The following RAVER2 variants were observed in gnomAD, a reference collection of about 807,000 sequenced individuals.
The protein encoded by RAVER2 is ribonucleoprotein, PTB binding 2, also known as ribonucleoprotein PTB-binding 2.
In RAVER2, 46 loss-of-function variants were observed where a neutral mutation model predicts 78.1. The ratio of observed to expected loss-of-function variants is 0.59; its 90% CI spans 0.46 to 0.75. The LOEUF (loss-of-function observed/expected upper bound fraction) is 0.75, where lower values mean the gene tolerates loss of function less well. RAVER2 is among the 30% of genes least tolerant of loss of function. The probability of loss-of-function intolerance (pLI) is 0.00; values close to 1 mark genes in which losing one functional copy is unlikely to be tolerated. For synonymous variants in RAVER2, 311 were observed against 313.3 expected (o/e 0.99, Z 0.08); for missense variants, 793 against 837.5 (o/e 0.95, Z 0.66).
intron 1 of RAVER2, among the ~76,000 whole-genome samples, chr1:64,747,341 T>A (rs1449294970): frequency 6.6e-6 from 1 of 152,214 alleles, no homozygotes; most frequent in East Asian, 1.9e-4. Flanking sequence ...TTATTTTGTG[T>A]CTTTTTGCTA....
Position 64,794,809 on chromosome 1 carries a change from T to A in RAVER2, c.1105+5295T>A, listed in dbSNP as rs899883040. Among the ~76,000 whole-genome samples the A allele has an allele frequency of 2.6e-5, 4 of 152,250 alleles. No homozygotes were observed. The Middle Eastern group carries it at 0.014, about 518-fold the overall frequency. On this transcript the variant is annotated intron_variant, in intron 5 of 11. Coordinates refer to ENST00000294428, the Ensembl canonical transcript of RAVER2. ...ACAGTGTCTTTTGAGGAGCAAAATT[T>A]TTTATTTTGACAAAATCCAATTTAT...
At chr1:64,769,647 T>C (rs1291724944) in intron 2 of RAVER2, among the ~76,000 whole-genome samples, 2 of 152,068 alleles carry the variant, frequency 1.3e-5, no homozygotes, top group Non-Finnish European at 2.9e-5. Context: ...TGTGATTTCC[T>C]GCTCACACTT....
chr1:64,783,144 G>C (rs956454869), intron 4 of RAVER2, among the ~76,000 whole-genome samples: 1 of 152,088 alleles, frequency 6.6e-6, no homozygotes, highest in African/African-American at 2.4e-5. Flanking sequence ...TGGACATTTG[G>C]GTTGGTTCCA....
intron 5 of RAVER2, among the ~76,000 whole-genome samples, chr1:64,797,224 AC>A (rs1299380698): frequency 1.3e-5 from 2 of 152,326 alleles, no homozygotes; most frequent in East Asian, 3.9e-4. Context: ...AGTTAGATCA[AC>A]ATGGTTGATA....
At chr1:64,800,903 G>C (rs1653243354) in intron 5 of RAVER2, among the ~76,000 whole-genome samples, 1 of 151,978 alleles carries the variant, frequency 6.6e-6, no homozygotes, top group Admixed American at 6.6e-5. Flanking sequence ...CTTGTCTTCT[G>C]AGGTGGTCCC....
chr1:64,812,681 A>G (rs1398187931), intron 9 of RAVER2, 57 bp from the exon 10 acceptor site: 3 of 1,139,532 alleles, frequency 2.6e-6, no homozygotes, highest in Non-Finnish European at 3.8e-6. Context: ...TCTATTCTTT[A>G]TTTTTATTTT....
chr1:64,800,137 T>G (rs72918097), intron 5 of RAVER2, among the ~76,000 whole-genome samples: 3,443 of 151,974 alleles, frequency 0.023, 155 homozygotes, highest in African/African-American at 0.079. Context: ...TTTTGTTTTT[T>G]TTTTTTGCTG....
At chr1:64,749,663 T>A (rs888331616) in intron 1 of RAVER2, among the ~76,000 whole-genome samples, 3 of 152,256 alleles carry the variant, frequency 2.0e-5, no homozygotes, top group African/African-American at 7.2e-5. Context: ...TAATTATTTT[T>A]AATGAATAAT....
intron 6 of RAVER2, 124 bp from the exon 7 acceptor site, chr1:64,804,610 G>A (rs1340154871): frequency 1.9e-6 from 1 of 525,830 alleles, no homozygotes; most frequent in Admixed American, 3.7e-5. Context: ...GTTGGAGAGT[G>A]AAATATGTTT....
At chr1:64,782,438 A>G (rs1215022585) in intron 4 of RAVER2, among the ~76,000 whole-genome samples, 2 of 152,218 alleles carry the variant, frequency 1.3e-5, no homozygotes, top group African/African-American at 4.8e-5. Context: ...GAATTGGGAA[A>G]GACTTTATGC....
chr1:64,759,577 C>T (rs1243201054), intron 1 of RAVER2, among the ~76,000 whole-genome samples: 2 of 149,816 alleles, frequency 1.3e-5, no homozygotes, highest in African/African-American at 4.9e-5. Context: ...AGTGCAGTGG[C>T]GCGATTTCGG....
At chr1:64,820,660 G>A (rs149849545) in intron 11 of RAVER2, among the ~76,000 whole-genome samples, 2,151 of 152,200 alleles carry the variant, frequency 0.014, 46 homozygotes, top group African/African-American at 0.049. Context: ...GAGAACACGC[G>A]GTATTTGGTT....
intron 11 of RAVER2, among the ~76,000 whole-genome samples, chr1:64,825,652 A>C (rs1025294531): frequency 1.3e-5 from 2 of 152,222 alleles, no homozygotes; most frequent in Admixed American, 6.5e-5. Flanking sequence ...ATGGCTTTGA[A>C]AACTAGCCAC....
intron 1 of RAVER2, among the ~76,000 whole-genome samples, chr1:64,749,931 G>A (rs191577110): frequency 2.0e-5 from 3 of 152,158 alleles, no homozygotes; most frequent in Admixed American, 1.3e-4. Context: ...TGTTCACTTA[G>A]GTTTTTTTTC....
chr1:64,777,185 A>C (rs1253839247), intron 2 of RAVER2, among the ~76,000 whole-genome samples: 1 of 151,984 alleles, frequency 6.6e-6, no homozygotes, highest in African/African-American at 2.4e-5. Flanking sequence ...CTCTTTTAGA[A>C]CTCTTTCTAG....
At chr1:64,747,723 A>G (rs991746308) in intron 1 of RAVER2, among the ~76,000 whole-genome samples, 12 of 152,110 alleles carry the variant, frequency 7.9e-5, no homozygotes, top group Non-Finnish European at 2.9e-5. Flanking sequence ...CATGTTGACC[A>G]GGCCGGTCTT....
chr1:64,745,231 C>T lies in RAVER2; in HGVS notation c.59C>T (p.Ala20Val), dbSNP rs1405092334. The T allele has an allele frequency of 9.0e-7, 1 of 1,106,180 alleles. No homozygotes were observed. Among genetic ancestry groups the T allele is most frequent in the Non-Finnish European group, 1.1e-6 (1 of 906,082 alleles). 68.5% of individuals were successfully genotyped at this position (1,106,180 alleles called of 1,614,324 possible). A position where few individuals can be genotyped will look rare whatever the true frequency, so the allele number is the denominator to read the frequency against. Residue 20 changes from alanine (A) to valine (V), a missense_variant, in exon 1 of 12, where the codon GCG becomes GTG. Coordinates refer to ENST00000294428, the Ensembl canonical transcript of RAVER2. The surrounding 1 kb of genome is among the most constrained non-coding windows in gnomAD (Gnocchi z 4.3). Reference sequence around the variant, plus strand: ...GGGGGCGCGGGCCTGGGCAGCGCGGCGGGGCTGGGGCCGGGGCCGGGGCTG... The same window carrying T: ...GGGGGCGCGGGCCTGGGCAGCGCGGTGGGGCTGGGGCCGGGGCCGGGGCTG...
chr1:64,813,655 A>G (rs1398013728), intron 10 of RAVER2, among the ~76,000 whole-genome samples: 1 of 152,156 alleles, frequency 6.6e-6, no homozygotes, highest in African/African-American at 2.4e-5. Context: ...GTATTTTATG[A>G]AATATCCTTG....
chr1:64,815,496 G>C (rs1319129210), intron 11 of RAVER2: 1 of 152,138 alleles, frequency 6.6e-6, no homozygotes, highest in African/African-American at 2.4e-5. Flanking sequence ...TCTTAGTGGT[G>C]TAAGCTGAAT....
Sources: allele counts gnomAD v4.1 joint callset (sites outside exome capture counted in the v4.1 genomes callset), GRCh38; gene constraint gnomAD v4.1.1; non-coding constraint Gnocchi (gnomAD v3.1); transcripts MANE v1.5; gene names NCBI Gene and HGNC (gene_info 2026-07-23, HGNC 2026-07-21).